Variants in DIAPH3 observed in about 807,000 individuals in gnomAD.
DIAPH3 encodes the protein diaphanous related formin 3.
In DIAPH3, 117 loss-of-function variants were observed where a neutral mutation model predicts 144.3. The observed-to-expected ratio is 0.81, with a 90% confidence interval of 0.70 to 0.95. The LOEUF (loss-of-function observed/expected upper bound fraction) is 0.95, where lower values mean the gene tolerates loss of function less well. Ranked by LOEUF, DIAPH3 falls within the 40% of genes least tolerant of loss-of-function variation. DIAPH3 has a pLI of 0.00. For synonymous variants in DIAPH3, 519 were observed against 488.9 expected (o/e 1.06, Z -0.81); for missense variants, 1,421 against 1,412.7 (o/e 1.01, Z -0.09).
chr13:59,918,208 G>GA (rs571397429), intron 18 of DIAPH3, among the ~76,000 whole-genome samples: 17,987 of 94,842 alleles, frequency 0.19, 2,316 homozygotes, highest in African/African-American at 0.4. Flanking sequence ...GGCAGCACAG[G>GA]AAAAAAAAAA....
intron 25 of DIAPH3, among the ~76,000 whole-genome samples, chr13:59,807,726 G>C (rs2040270180): frequency 6.6e-6 from 1 of 152,000 alleles, no homozygotes; most frequent in Non-Finnish European, 1.5e-5. Context: ...TGTTTAGGAA[G>C]AGATAGTACA....
At chr13:59,992,283 A>AT in intron 10 of DIAPH3, 97 bp from the exon 11 acceptor site, 1 of 1,110,332 alleles carries the variant, frequency 9.0e-7, no homozygotes, top group South Asian at 1.4e-5. Flanking sequence ...ATTCAACTTG[A>AT]TTTATAGCAT....
chr13:59,720,842 AT>A (rs1430351338), intron 27 of DIAPH3, among the ~76,000 whole-genome samples: 1 of 152,158 alleles, frequency 6.6e-6, no homozygotes, highest in Non-Finnish European at 1.5e-5. Context: ...ATCTGCCCCA[AT>A]AACTCATTTT....
intron 21 of DIAPH3, among the ~76,000 whole-genome samples, chr13:59,874,625 T>A (rs1045350532): frequency 3.9e-5 from 6 of 152,196 alleles, no homozygotes; most frequent in African/African-American, 1.4e-4. Context: ...GATATTCTAC[T>A]GCCATAGAAA....
chr13:59,859,715 A>T (rs2043467615), intron 22 of DIAPH3, among the ~76,000 whole-genome samples: 1 of 152,294 alleles, frequency 6.6e-6, no homozygotes, highest in African/African-American at 2.4e-5. Context: ...AAATATCAGA[A>T]TTCTCTCTTT....
chr13:59,677,425 A>G (rs1403151022), intron 27 of DIAPH3, among the ~76,000 whole-genome samples: 1 of 152,184 alleles, frequency 6.6e-6, no homozygotes, highest in East Asian at 1.9e-4. Context: ...ACATTGAAAA[A>G]AAAAGGTGAA....
intron 22 of DIAPH3, among the ~76,000 whole-genome samples, chr13:59,844,503 C>CAA (rs11402186): frequency 1.0e-3 from 131 of 127,470 alleles, no homozygotes; most frequent in Non-Finnish European, 1.3e-3. Context: ...GACTCCATCC[C>CAA]AAAAAAAAAA....
chr13:60,021,854 A>G (rs1235126036), intron 5 of DIAPH3, among the ~76,000 whole-genome samples: 2 of 152,140 alleles, frequency 1.3e-5, no homozygotes, highest in African/African-American at 4.8e-5. Context: ...GGTTCTGCCA[A>G]TAACCCAAAT....
chr13:59,709,758 G>T lies in DIAPH3; in HGVS notation c.3320-42912C>A, dbSNP rs2138819484. On this transcript the variant is annotated intron_variant, in intron 27 of 27. Transcript: ENST00000400324. ...TCCCATTACTGGGTATATACCCAAA[G>T]GACTATAAATCATGCTGCTATAAAG... 2.0e-5 allele frequency among the ~76,000 whole-genome samples: 3 copies of T among 152,128 alleles called. No individual in the cohort carries two copies. In the Middle Eastern group the frequency reaches 0.01, roughly 517 times the overall value.
chr13:60,062,387 A>G (rs1408293359), intron 4 of DIAPH3, among the ~76,000 whole-genome samples: 1 of 152,190 alleles, frequency 6.6e-6, no homozygotes, highest in Admixed American at 6.5e-5. Flanking sequence ...TGAGCTCTGG[A>G]AATACATGCT....
At chr13:59,720,027 T>C (rs2035258224) in intron 27 of DIAPH3, among the ~76,000 whole-genome samples, 1 of 152,204 alleles carries the variant, frequency 6.6e-6, no homozygotes, top group African/African-American at 2.4e-5. Context: ...CAATGGGCTA[T>C]GTTCTGAGAA....
intron 2 of DIAPH3, among the ~76,000 whole-genome samples, chr13:60,116,908 C>T (rs2058718146): frequency 6.6e-6 from 1 of 151,940 alleles, no homozygotes. Context: ...AGGCTAAGAG[C>T]TTGAAATGCA....
chr13:59,696,592 T>C (rs1194763236), intron 27 of DIAPH3, among the ~76,000 whole-genome samples: 1 of 152,238 alleles, frequency 6.6e-6, no homozygotes, highest in Non-Finnish European at 1.5e-5. Context: ...AGGCAGGATG[T>C]TGACAGGCAT....
At chr13:59,709,852 C>G (rs1174286983) in intron 27 of DIAPH3, among the ~76,000 whole-genome samples, 1 of 152,006 alleles carries the variant, frequency 6.6e-6, no homozygotes, top group Non-Finnish European at 1.5e-5. Flanking sequence ...ACCCAAATGT[C>G]CAACAATGAT....
intron 23 of DIAPH3, among the ~76,000 whole-genome samples, chr13:59,837,169 T>C (rs1199523988): frequency 1.3e-5 from 2 of 152,082 alleles, no homozygotes; most frequent in African/African-American, 4.8e-5. Context: ...TTCCAAGAGA[T>C]ACATGAATGC....
intron 27 of DIAPH3, among the ~76,000 whole-genome samples, chr13:59,756,483 A>G (rs547090846): frequency 2.9e-4 from 39 of 133,922 alleles, no homozygotes; most frequent in African/African-American, 3.8e-4. Flanking sequence ...GAAGGAAGGA[A>G]GGAGGGAAGG....
intron 17 of DIAPH3, among the ~76,000 whole-genome samples, chr13:59,958,024 G>A (rs1196541618): frequency 6.6e-6 from 1 of 152,170 alleles, no homozygotes; most frequent in Non-Finnish European, 1.5e-5. Context: ...TATGATGATA[G>A]AAGAGTGGAC....
chr13:59,842,165 T>C (rs1452942636), intron 22 of DIAPH3, among the ~76,000 whole-genome samples: 1 of 152,086 alleles, frequency 6.6e-6, no homozygotes, highest in Non-Finnish European at 1.5e-5. Flanking sequence ...CTAAGCATTC[T>C]GGATGGACGG....
intron 27 of DIAPH3, among the ~76,000 whole-genome samples, chr13:59,672,874 T>C (rs2032452936): frequency 6.6e-6 from 1 of 152,160 alleles, no homozygotes; most frequent in Non-Finnish European, 1.5e-5. Flanking sequence ...AACAAAACAA[T>C]ACTCCCCCTA....
Sources: allele counts gnomAD v4.1 joint callset (sites outside exome capture counted in the v4.1 genomes callset), GRCh38; gene constraint gnomAD v4.1.1; transcripts MANE v1.5; gene names NCBI Gene and HGNC (gene_info 2026-07-23, HGNC 2026-07-21).